The following KCNH8 variants were observed in gnomAD, a reference collection of about 807,000 sequenced individuals.
KCNH8 encodes potassium voltage-gated channel subfamily H member 8.
A neutral mutation model predicts 103.6 loss-of-function variants in KCNH8; 70 were observed. That is an observed-to-expected ratio of 0.68 (90% CI 0.56 to 0.82). The LOEUF (loss-of-function observed/expected upper bound fraction) is 0.82. Ranked by LOEUF, KCNH8 falls within the 40% of genes least tolerant of loss-of-function variation. KCNH8 has a pLI of 0.00. For missense variants in KCNH8, 1,217 were observed against 1,329.9 expected (o/e 0.92, Z 1.32); for synonymous variants, 498 against 489.4 (o/e 1.02, Z -0.23).
chr3:19,339,760 A>G (rs889920663), intron 3 of KCNH8, among the ~76,000 whole-genome samples: 2 of 152,000 alleles, frequency 1.3e-5, no homozygotes, highest in African/African-American at 2.4e-5. Flanking sequence ...TGAATTAAAC[A>G]CCCCATTTGC....
At chr3:19,500,388 A>G (rs536203004) in intron 11 of KCNH8, among the ~76,000 whole-genome samples, 5 of 152,260 alleles carry the variant, frequency 3.3e-5, no homozygotes, top group South Asian at 2.1e-4. Context: ...GAGACAGAAA[A>G]TCAACAAGGA....
chr3:19,527,031 G>A (rs2069077163), intron 15 of KCNH8, among the ~76,000 whole-genome samples: 1 of 151,840 alleles, frequency 6.6e-6, no homozygotes. Context: ...ATCAAAACCA[G>A]GCTGCACATC....
intron 13 of KCNH8, among the ~76,000 whole-genome samples, chr3:19,514,098 T>C (rs1474809105): frequency 2.0e-5 from 3 of 152,122 alleles, no homozygotes; most frequent in Non-Finnish European, 4.4e-5. Context: ...GTTTGTGTTA[T>C]CTCTATTATA....
chr3:19,304,800 G>A (rs370943079), intron 3 of KCNH8, among the ~76,000 whole-genome samples: 1 of 152,108 alleles, frequency 6.6e-6, no homozygotes, highest in East Asian at 1.9e-4. Context: ...GAGCACTTGA[G>A]ACGTGGCTAG....
chr3:19,354,937 A>T (rs1267007971), intron 5 of KCNH8, among the ~76,000 whole-genome samples: 2 of 152,220 alleles, frequency 1.3e-5, no homozygotes, highest in African/African-American at 2.4e-5. Context: ...CATCAGAGTG[A>T]ATAGGCAACC....
At chr3:19,299,639 T>TA (rs910168133) in intron 3 of KCNH8, among the ~76,000 whole-genome samples, 21 of 150,398 alleles carry the variant, frequency 1.4e-4, no homozygotes, top group East Asian at 3.9e-4. Context: ...TCCCTGAACT[T>TA]AAAAAAAAAT....
At chr3:19,171,005 G>A (rs971236459) in intron 1 of KCNH8, among the ~76,000 whole-genome samples, 2 of 151,548 alleles carry the variant, frequency 1.3e-5, no homozygotes, top group African/African-American at 4.8e-5. Flanking sequence ...TAGAGACGGG[G>A]TTTCACCGTG....
At chr3:19,419,034 G>A (rs2066904576) in intron 7 of KCNH8, among the ~76,000 whole-genome samples, 1 of 151,996 alleles carries the variant, frequency 6.6e-6, no homozygotes, top group Non-Finnish European at 1.5e-5. Flanking sequence ...ATACATGATA[G>A]GAAATGAAAG....
In KCNH8 at chr3:19,513,151, A is replaced by G. The variant is rs769345307; in HGVS notation, c.2261A>G (p.Lys754Arg). 6.2e-7 allele frequency: 1 copy of G among 1,614,030 alleles called. No individual in the cohort carries two copies. Among genetic ancestry groups the G allele is most frequent in the Non-Finnish European group, 8.5e-7 (1 of 1,179,938 alleles). ...SNKAYLGLSL[K>R]QLASGTVPFH... ...AAAGCCTACCTGGGCTTAAGCTTAA[A>G]GCAACTGGCCTCGGGAACGGTGCCC... The change falls in exon 13 of 16, where the codon AAG becomes AGG. Residue 754 changes from lysine to arginine, a missense_variant. This residue lies in a region of KCNH8 where 558 missense variants were observed against 495.8 expected (regional missense o/e 1.13). Transcript: ENST00000328405.
At chr3:19,513,460 G>A in intron 13 of KCNH8, 135 bp downstream of exon 13, 4 of 1,285,960 alleles carry the variant, frequency 3.1e-6, no homozygotes, top group East Asian at 2.4e-5. Flanking sequence ...TCTGAGTTTT[G>A]TGGGCAATTT....
intron 6 of KCNH8, chr3:19,391,880 T>C (rs1295247414): frequency 6.6e-6 from 1 of 151,986 alleles, no homozygotes; most frequent in Non-Finnish European, 1.5e-5. Context: ...CTTAAAACCA[T>C]GTTTTTGCAA....
In KCNH8 at chr3:19,148,518, G is replaced by A; in HGVS notation, c.-202G>A. 3.4e-6 allele frequency: 2 copies of A among 596,784 alleles called. No individual in the cohort carries two copies. Among genetic ancestry groups the A allele is most frequent in the Non-Finnish European group, 6.0e-6 (2 of 333,452 alleles). The allele number at this position is 596,784 out of a possible 1,614,324, so 37.0% of individuals were successfully genotyped here. A position where few individuals can be genotyped will look rare whatever the true frequency, so the allele number is the denominator to read the frequency against. ...GGGCGGGCTCGGGGAGCGCTCTTGG[G>A]GCTCCTCCTGCCACAGCCGGGGCGG... is the stretch of plus-strand genomic sequence containing the variant. On this transcript the variant is annotated 5_prime_UTR_variant, in exon 1 of 16. Transcript: ENST00000328405.
At chr3:19,472,127 T>G (rs1023162850) in intron 11 of KCNH8, among the ~76,000 whole-genome samples, 4 of 152,242 alleles carry the variant, frequency 2.6e-5, no homozygotes, top group Middle Eastern at 3.4e-3. Context: ...TGCAATTCTT[T>G]TTTTAATGGG....
At chr3:19,307,694 A>G (rs943791209) in intron 3 of KCNH8, among the ~76,000 whole-genome samples, 12 of 151,996 alleles carry the variant, frequency 7.9e-5, no homozygotes, top group African/African-American at 2.9e-4. Context: ...TGGTACATAT[A>G]CATAATGGAA....
chr3:19,210,260 C>T (rs2063757020), intron 1 of KCNH8, among the ~76,000 whole-genome samples: 1 of 151,982 alleles, frequency 6.6e-6, no homozygotes, highest in Non-Finnish European at 1.5e-5. Flanking sequence ...CAGCACAAGG[C>T]TCTCGATGTT....
chr3:19,512,862 A>C (rs2068805246), intron 12 of KCNH8, 108 bp from the exon 13 acceptor site: 7 of 958,468 alleles, frequency 7.3e-6, no homozygotes, highest in Non-Finnish European at 1.1e-5. Flanking sequence ...AATGAAAAGT[A>C]AGTCTCTAAG....
intron 11 of KCNH8, among the ~76,000 whole-genome samples, chr3:19,486,720 C>T (rs144473524): frequency 6.9e-4 from 105 of 152,288 alleles, no homozygotes; most frequent in African/African-American, 2.3e-3. Flanking sequence ...AGTTACCGGT[C>T]GCCCCCCTTT....
intron 1 of KCNH8, among the ~76,000 whole-genome samples, chr3:19,158,473 T>C (rs777675095): frequency 4.7e-4 from 71 of 151,962 alleles, no homozygotes; most frequent in Non-Finnish European, 8.0e-4. Flanking sequence ...GATTTTCTAA[T>C]TGAAAAAAAT....
chr3:19,193,732 A>G (rs907639641), intron 1 of KCNH8, among the ~76,000 whole-genome samples: 4 of 151,776 alleles, frequency 2.6e-5, no homozygotes, highest in Admixed American at 6.6e-5. Flanking sequence ...GGAGATAACT[A>G]TATTGCAGAA....
Sources: gnomAD v4.1 joint callset for allele counts (sites outside exome capture counted in the v4.1 genomes callset) on GRCh38, gnomAD v4.1.1 for gene constraint, gnomAD v4.1.1 regional missense constraint, MANE v1.5 for transcripts, NCBI Gene and HGNC (gene_info 2026-07-23, HGNC 2026-07-21) for gene names.